The following TSC1 variants were observed in gnomAD, a reference collection of about 807,000 sequenced individuals.
The protein encoded by TSC1 is hamartin.
Under a neutral mutation model 124.3 loss-of-function variants are expected in TSC1, and 20 were observed. That is an observed-to-expected ratio of 0.16 (90% CI 0.11 to 0.23). The LOEUF (loss-of-function observed/expected upper bound fraction) is 0.23, where lower values mean the gene tolerates loss of function less well. Among genes scored for constraint, TSC1 ranks in the 10% least tolerant of loss-of-function variants. TSC1 has a pLI of 1.00. For synonymous variants in TSC1, 493 were observed against 539.1 expected, an observed-to-expected ratio of 0.91 and a Z score of 1.19; for missense variants, 1,124 against 1,448.5, an observed-to-expected ratio of 0.78 and a Z score of 3.64.
rs929762358 is a variant in TSC1 at position 132,906,416 on chromosome 9, G to T, written c.1439-277C>A. Reference sequence around the variant, plus strand: ...CAATAAAAATCAGCTGAGCATCGTGGTGTATGCCTGTGGTCCCAGCTACTC... The same window carrying T: ...CAATAAAAATCAGCTGAGCATCGTGTTGTATGCCTGTGGTCCCAGCTACTC... On this transcript the variant is annotated intron_variant, in intron 14 of 22. Transcript: ENST00000298552. This position sits in a 1 kb window ranked among gnomAD's most constrained non-coding sequence, Gnocchi z 4.1. The T allele has an allele frequency of 1.9e-6, 1 of 539,712 alleles. No individual in the cohort carries two copies. Among genetic ancestry groups the T allele is most frequent in the African/African-American group, 1.9e-5 (1 of 52,708 alleles). The allele number at this position is 539,712 out of a possible 1,614,324, so 33.4% of individuals were successfully genotyped here. A position where few individuals can be genotyped will look rare whatever the true frequency, so the allele number is the denominator to read the frequency against.
intron 1 of TSC1, among the ~76,000 whole-genome samples, chr9:132,937,655 AC>A (rs1847530830): frequency 6.6e-6 from 1 of 152,104 alleles, no homozygotes; most frequent in Non-Finnish European, 1.5e-5. Context: ...AACCCATCCT[AC>A]ATAAAGGCCC....
chr9:132,927,374 C>T, intron 3 of TSC1, 70 bp from the exon 4 acceptor site: 3 of 1,432,916 alleles, frequency 2.1e-6, no homozygotes, highest in Non-Finnish European at 2.9e-6. Context: ...TACACAGCTT[C>T]CTGTCACAAA....
intron 2 of TSC1, among the ~76,000 whole-genome samples, chr9:132,934,823 AG>A (rs1847372642): frequency 2.0e-5 from 3 of 152,270 alleles, no homozygotes; most frequent in Non-Finnish European, 4.4e-5. Context: ...TGAAGAAGAA[AG>A]TAACGCATAT....
At position 132,896,092 on chromosome 9, in the gene TSC1, T is replaced by C; in HGVS notation, c.*143A>G. 8.0e-7 allele frequency: 1 copy of C among 1,254,862 alleles called. No homozygotes were observed. The highest frequency in any genetic ancestry group is 1.1e-6 in the Non-Finnish European group (1 of 873,308). 77.7% of individuals were successfully genotyped at this position (1,254,862 alleles called of 1,614,324 possible). ...GATCCAAAAACCGTTCTGCATTCAG[T>C]CAGCTGTCCAAAGGACCTCCGTCCC... is the stretch of plus-strand genomic sequence containing the variant. On this transcript the variant is annotated 3_prime_UTR_variant, in exon 23 of 23. Transcript: ENST00000298552. The surrounding 1 kb of genome is among the most constrained non-coding windows in gnomAD (Gnocchi z 4.5).
At chr9:132,911,262 T>C in intron 10 of TSC1, 149 bp from the exon 11 acceptor site, 2 of 828,552 alleles carry the variant, frequency 2.4e-6, no homozygotes, top group East Asian at 2.6e-5. Flanking sequence ...ACAAGTTGCA[T>C]TTTGTAAATC....
At position 132,893,830 on chromosome 9, in the gene TSC1, G is replaced by C. The variant is rs777129120; in HGVS notation, c.*2405C>G. ...TGAATTGCCTCTCGAGAGTAATACT[G>C]TCACCTTTCCATCCTTAGAACTACC... is the stretch of plus-strand genomic sequence containing the variant. On this transcript the variant is annotated 3_prime_UTR_variant, in exon 23 of 23. Transcript: ENST00000298552. 4.3e-6 allele frequency: 1 copy of C among 233,270 alleles called. No individual in the cohort carries two copies. Among genetic ancestry groups the C allele is most frequent in the Non-Finnish European group, 8.5e-6 (1 of 118,052 alleles). 14.5% of individuals were successfully genotyped at this position (233,270 alleles called of 1,614,324 possible).
intron 3 of TSC1, 71 bp from the exon 4 acceptor site, chr9:132,927,375 C>T: frequency 7.0e-7 from 1 of 1,426,440 alleles, no homozygotes; most frequent in Non-Finnish European, 9.8e-7. Flanking sequence ...ACACAGCTTC[C>T]TGTCACAAAA....
rs758417405 is a variant in TSC1, at chr9:132,892,236, C to T, written c.*3999G>A. 4 of 233,284 alleles carry T rather than the reference C, an allele frequency of 1.7e-5. No homozygotes were observed. The highest frequency in any genetic ancestry group is 2.5e-5 in the Non-Finnish European group (3 of 118,136). The allele number at this position is 233,284 out of a possible 1,614,324, so 14.5% of individuals were successfully genotyped here. On this transcript the variant is annotated 3_prime_UTR_variant, in exon 23 of 23. Coordinates refer to ENST00000298552, the MANE Select transcript of TSC1 (RefSeq NM_000368.5). ...CACAGCAGCAGCCTAGGGGCCAGTC[C>T]TCGACCTAAACTTGTTCTTTCACCT...
intron 2 of TSC1, among the ~76,000 whole-genome samples, chr9:132,933,778 A>G (rs562117992): frequency 1.3e-5 from 2 of 152,344 alleles, no homozygotes; most frequent in African/African-American, 4.8e-5. Context: ...ATCGTGAAAA[A>G]TGTTTAATAA....
chr9:132,915,047 C>T (rs1049898208), intron 8 of TSC1, among the ~76,000 whole-genome samples: 105 of 151,628 alleles, frequency 6.9e-4, no homozygotes, highest in African/African-American at 2.4e-3. Flanking sequence ...AATAGCTGGG[C>T]GTGGTGGCAT....
Position 132,897,582 on chromosome 9 carries a change from C to T in TSC1, c.2654G>A (p.Arg885Gln), listed in dbSNP as rs200514807. The T allele has an allele frequency of 1.6e-5, 25 of 1,545,336 alleles. No individual in the cohort carries two copies. The highest frequency in any genetic ancestry group is 1.2e-4 in the African/African-American group (8 of 69,510). Residue 885 changes from arginine to glutamine, a missense_variant, in exon 21 of 23, where the codon CGG (arginine) becomes CAG (glutamine). By Grantham distance (43) the Arg-to-Gln change is conservative. Around this residue, in one of 5 missense-constraint regions of TSC1, gnomAD observed 325 missense variants for 383.4 expected, o/e 0.85. Coordinates refer to ENST00000298552, the MANE Select transcript of TSC1 (RefSeq NM_000368.5). ...GCTTCTGTTTTTTTCTAGCTCTTTC[C>T]GATAGGCGGCTTTCATCATTTCTAC... is the stretch of plus-strand genomic sequence containing the variant. Reference protein sequence around the residue: ...KEVEMMKAAYRKELEKNRSHV... With the variant: ...KEVEMMKAAYQKELEKNRSHV...
chr9:132,901,957 A>C (rs1845399714), intron 18 of TSC1: 1 of 443,540 alleles, frequency 2.3e-6, no homozygotes, highest in Non-Finnish European at 4.0e-6. Context: ...CTGAGGCTAC[A>C]CAGCAAACTC....
intron 19 of TSC1, 63 bp downstream of exon 19, chr9:132,901,526 C>T: frequency 2.8e-6 from 4 of 1,443,712 alleles, no homozygotes; most frequent in South Asian, 1.1e-5. Context: ...TTTAACCTGT[C>T]TGAAGGAAGA....
In TSC1 at chr9:132,904,368, G is replaced by A. The variant is rs773325782; in HGVS notation, c.2041+43C>T. 19 of 1,610,802 alleles carry A rather than the reference G, an allele frequency of 1.2e-5. No homozygotes were observed. In the Admixed American group the frequency reaches 1.8e-4, roughly 16 times the overall value. On this transcript the variant is annotated intron_variant, in intron 16 of 22. Transcript: ENST00000298552. ...GGACAGAAAGGGCAACAAGCAAGCAGGAACCATGTGGGCTGGATTTGGAGC... is the reference window on the plus strand; with the variant it reads ...GGACAGAAAGGGCAACAAGCAAGCAAGAACCATGTGGGCTGGATTTGGAGC...
At chr9:132,901,561 G>T (rs1437533792) in intron 19 of TSC1, 28 bp downstream of exon 19, 1 of 1,576,304 alleles carries the variant, frequency 6.3e-7, no homozygotes. Context: ...TGTTTCAGCA[G>T]ATTCAGGTCT....
At chr9:132,927,460 A>T (rs1246425633) in intron 3 of TSC1, among the ~76,000 whole-genome samples, 156 bp from the exon 4 acceptor site, 1 of 151,988 alleles carries the variant, frequency 6.6e-6, no homozygotes. Context: ...ATTTAATAAT[A>T]AGATATTCCA....
intron 6 of TSC1, among the ~76,000 whole-genome samples, chr9:132,922,645 C>T (rs1232485782): frequency 1.3e-5 from 2 of 152,208 alleles, no homozygotes; most frequent in Non-Finnish European, 2.9e-5. Context: ...AAATAATGGA[C>T]AGACCATTCC....
intron 4 of TSC1, 97 bp from the exon 5 acceptor site, chr9:132,925,836 T>C (rs943649488): frequency 6.7e-7 from 1 of 1,490,620 alleles, no homozygotes; most frequent in Non-Finnish European, 9.3e-7. Context: ...TCAAGTCTTG[T>C]CTCTAATGTA....
chr9:132,894,267 G>A lies in TSC1; in HGVS notation c.*1968C>T, dbSNP rs1844913827. The A allele has an allele frequency of 4.3e-6, 1 of 231,598 alleles. No homozygotes were observed. Among genetic ancestry groups the A allele is most frequent in the Non-Finnish European group, 8.5e-6 (1 of 116,968 alleles). 14.3% of individuals were successfully genotyped at this position (231,598 alleles called of 1,614,324 possible). ...TGGGCCTCTTTTCCTTTCCAATTCA[G>A]GAAAAGGCTTTAAGTGCCTGGTATC... On this transcript the variant is annotated 3_prime_UTR_variant, in exon 23 of 23. Transcript: ENST00000298552.
Sources: gnomAD v4.1 joint callset for allele counts (sites outside exome capture counted in the v4.1 genomes callset) on GRCh38, gnomAD v4.1.1 for gene constraint, gnomAD v4.1.1 regional missense constraint, Gnocchi (gnomAD v3.1) non-coding constraint, MANE v1.5 for transcripts, NCBI Gene and HGNC (gene_info 2026-07-23, HGNC 2026-07-21) for gene names.